The following ENOX1 variants were observed in gnomAD, a reference collection of about 807,000 sequenced individuals.
ENOX1 encodes ecto-NOX disulfide-thiol exchanger 1.
Under a neutral mutation model 82.5 loss-of-function variants are expected in ENOX1, and 42 were observed. The ratio of observed to expected loss-of-function variants is 0.51; its 90% confidence interval spans 0.40 to 0.66. The LOEUF is 0.66. Among genes scored for constraint, ENOX1 ranks in the 30% least tolerant of loss-of-function variants. ENOX1 has a pLI of 0.00. For missense variants in ENOX1, 608 were observed against 811.6 expected, an observed-to-expected ratio of 0.75 and a Z score of 3.05; for synonymous variants, 271 against 282.2, an observed-to-expected ratio of 0.96 and a Z score of 0.40.
intron 1 of ENOX1, among the ~76,000 whole-genome samples, chr13:43,729,173 T>C (rs1274717598): frequency 6.6e-6 from 1 of 152,202 alleles, no homozygotes; most frequent in Non-Finnish European, 1.5e-5. Context: ...CAATCCAACA[T>C]TCCCTGAAAT....
intron 3 of ENOX1, among the ~76,000 whole-genome samples, chr13:43,454,008 T>C (rs1343353422): frequency 6.6e-6 from 1 of 152,102 alleles, no homozygotes; most frequent in Non-Finnish European, 1.5e-5. Context: ...TTTTGAAAGA[T>C]TAAAAAATCA....
intron 8 of ENOX1, among the ~76,000 whole-genome samples, chr13:43,350,681 G>A (rs1448976824): frequency 6.6e-6 from 1 of 152,176 alleles, no homozygotes; most frequent in East Asian, 1.9e-4. Flanking sequence ...CTGACCTCAG[G>A]TGATCCACCC....
At chr13:43,768,812 C>T (rs1468972183) in intron 1 of ENOX1, among the ~76,000 whole-genome samples, 1 of 152,206 alleles carries the variant, frequency 6.6e-6, no homozygotes, top group African/African-American at 2.4e-5. Context: ...AGCCTGTTCA[C>T]TTTGTCATTG....
intron 16 of ENOX1, among the ~76,000 whole-genome samples, chr13:43,222,509 T>C (rs941906661): frequency 6.6e-6 from 1 of 152,142 alleles, no homozygotes; most frequent in Admixed American, 6.6e-5. Context: ...GACAAGTGGA[T>C]TGTTGGCCAT....
At chr13:43,499,934 A>G (rs1213172150) in intron 2 of ENOX1, among the ~76,000 whole-genome samples, 1 of 152,036 alleles carries the variant, frequency 6.6e-6, no homozygotes, top group Non-Finnish European at 1.5e-5. Context: ...TGCAGTTATT[A>G]TGACTGAACT....
At position 43,265,391 on chromosome 13, in the gene ENOX1, T is replaced by C. The variant is rs533370855; in HGVS notation, c.1611+7A>G. The C allele has an allele frequency of 4.3e-6, 7 of 1,609,830 alleles. No homozygotes were observed. The African/African-American group carries it at 6.7e-5, about 15-fold the overall frequency. On this transcript the variant is annotated splice_region_variant and intron_variant, in intron 14 of 16. Coordinates refer to ENST00000690772, the MANE Select transcript of ENOX1 (RefSeq NM_001347969.2). Reference sequence around the variant, plus strand: ...AGAAGAACAAATACCAGGTTTGTGGTACCTACATTTGAATCCTCATGGCTG... The same window carrying C: ...AGAAGAACAAATACCAGGTTTGTGGCACCTACATTTGAATCCTCATGGCTG...
intron 3 of ENOX1, among the ~76,000 whole-genome samples, chr13:43,415,564 G>C (rs1048233778): frequency 6.6e-6 from 1 of 152,174 alleles, no homozygotes; most frequent in Non-Finnish European, 1.5e-5. Flanking sequence ...AGGGTTGGGG[G>C]TAAGGTTATA....
At chr13:43,273,783 C>A (rs1041593832) in intron 12 of ENOX1, among the ~76,000 whole-genome samples, 1 of 152,192 alleles carries the variant, frequency 6.6e-6, no homozygotes, top group African/African-American at 2.4e-5. Flanking sequence ...ATCACTGAAG[C>A]AAAGTTAGTT....
At chr13:43,523,330 C>A (rs1402757744) in intron 2 of ENOX1, among the ~76,000 whole-genome samples, 17 of 152,202 alleles carry the variant, frequency 1.1e-4, no homozygotes, top group Admixed American at 9.2e-4. Context: ...TGATAGTTTA[C>A]AACATCTGCT....
At chr13:43,418,014 G>C (rs886404433) in intron 3 of ENOX1, among the ~76,000 whole-genome samples, 8 of 152,030 alleles carry the variant, frequency 5.3e-5, no homozygotes, top group Admixed American at 3.9e-4. Context: ...TTTGAGACCA[G>C]CCTGACCAAA....
rs188650123 is a variant in ENOX1, at chr13:43,636,675, A to G, written c.-219+30804T>C. On this transcript the variant is annotated intron_variant, in intron 2 of 16. Transcript: ENST00000690772. ...CTTGTTTCACAGAAATCCTGTGGAA[A>G]GTAGACATGGCAACAGCATAACCAA... Among the ~76,000 whole-genome samples the G allele has an allele frequency of 9.8e-5, 15 of 152,298 alleles. No individual in the cohort carries two copies. In the East Asian group the frequency reaches 2.5e-3, roughly 25 times the overall value.
intron 3 of ENOX1, among the ~76,000 whole-genome samples, chr13:43,455,692 C>T (rs931352122): frequency 6.6e-6 from 1 of 152,150 alleles, no homozygotes; most frequent in African/African-American, 2.4e-5. Flanking sequence ...TCCCATAATT[C>T]CCATTGTTGT....
chr13:43,416,331 C>T (rs9567184), intron 3 of ENOX1, among the ~76,000 whole-genome samples: 46 of 143,590 alleles, frequency 3.2e-4, no homozygotes, highest in Non-Finnish European at 4.1e-4. Context: ...CGGGCAGAGG[C>T]GCTCCTCAGT....
rs930301679 is a variant in ENOX1, at chr13:43,214,018, C to G, written c.1904G>C (p.Cys635Ser). The G allele has an allele frequency of 1.2e-6, 2 of 1,613,984 alleles. No individual in the cohort carries two copies. The highest frequency in any genetic ancestry group is 1.7e-4 in the Middle Eastern group (1 of 6,060). Reference sequence around the variant, plus strand: ...GGTAGTTTTAATTCCTTCAAAGGCACACAGCTTCCATCTTTTTTCCAGCGT... The same window carrying G: ...GGTAGTTTTAATTCCTTCAAAGGCAGACAGCTTCCATCTTTTTTCCAGCGT... ...GATLEKRWKL[C>S]AFEGIKTT The change falls in exon 17 of 17, where the codon TGT (cysteine) becomes TCT (serine). Residue 635 changes from cysteine (C) to serine (S), a missense_variant. Coordinates refer to ENST00000690772, the MANE Select transcript of ENOX1 (RefSeq NM_001347969.2).
At chr13:43,630,128 T>C (rs1035661776) in intron 2 of ENOX1, among the ~76,000 whole-genome samples, 1 of 152,244 alleles carries the variant, frequency 6.6e-6, no homozygotes, top group Non-Finnish European at 1.5e-5. Flanking sequence ...TATTTTTGTA[T>C]GTTTTAGTCA....
In ENOX1 at chr13:43,355,875, G is replaced by A. The variant is rs1178992739; in HGVS notation, c.823+44C>T. On this transcript the variant is annotated intron_variant, in intron 8 of 16. Coordinates refer to ENST00000690772, the MANE Select transcript of ENOX1 (RefSeq NM_001347969.2). ...AGAAACGCACAGGGTTCCGTGTCTG[G>A]GGATCCCTGTGGAGGAAGAAAAGCC... The A allele has an allele frequency of 4.5e-6, 7 of 1,552,566 alleles. No individual in the cohort carries two copies. In the African/African-American group the frequency reaches 8.1e-5, roughly 18 times the overall value.
Position 43,220,511 on chromosome 13 carries a change from T to A in ENOX1, c.1800+3542A>T, listed in dbSNP as rs187944128. Among the ~76,000 whole-genome samples, 6 of 152,194 alleles carry A rather than the reference T, an allele frequency of 3.9e-5. No homozygotes were observed. In the East Asian group the frequency reaches 1.2e-3, roughly 29 times the overall value. ...GGCTACAAGCTTGTTGAGAATAGGGTTCTATCTTAGGTTTCTTTTGTGCCT... is the reference window on the plus strand; with the variant it reads ...GGCTACAAGCTTGTTGAGAATAGGGATCTATCTTAGGTTTCTTTTGTGCCT... On this transcript the variant is annotated intron_variant, in intron 16 of 16. Coordinates refer to ENST00000690772, the MANE Select transcript of ENOX1 (RefSeq NM_001347969.2).
At chr13:43,757,245 C>A (rs1200129878) in intron 1 of ENOX1, among the ~76,000 whole-genome samples, 1 of 152,202 alleles carries the variant, frequency 6.6e-6, no homozygotes, top group Non-Finnish European at 1.5e-5. Context: ...TCTGACTTTG[C>A]AACTCCTCCC....
intron 2 of ENOX1, among the ~76,000 whole-genome samples, chr13:43,589,379 G>A (rs1029590463): frequency 3.3e-5 from 5 of 152,088 alleles, no homozygotes; most frequent in Non-Finnish European, 7.4e-5. Flanking sequence ...AAGCCTACCT[G>A]TCCCTGCCTA....
Sources: allele counts gnomAD v4.1 joint callset (sites outside exome capture counted in the v4.1 genomes callset), GRCh38; gene constraint gnomAD v4.1.1; transcripts MANE v1.5; gene names NCBI Gene and HGNC (gene_info 2026-07-23, HGNC 2026-07-21).